Variants in ACSM6 observed in about 807,000 individuals in gnomAD.
ACSM6 encodes the protein acyl-CoA synthetase medium chain family member 6.
A neutral mutation model predicts 51.1 loss-of-function variants in ACSM6; 35 were observed. The ratio of observed to expected loss-of-function variants is 0.69; its 90% CI spans 0.52 to 0.91. The LOEUF is 0.91. Among genes scored for constraint, ACSM6 ranks in the 40% least tolerant of loss-of-function variants. The pLI is 0.00. For missense variants in ACSM6, 509 were observed against 584.1 expected, an observed-to-expected ratio of 0.87 and a Z score of 1.32; for synonymous variants, 172 against 207.3, an observed-to-expected ratio of 0.83 and a Z score of 1.46.
chr10:95,208,514 A>T (rs996090196), intron 4 of ACSM6, among the ~76,000 whole-genome samples: 1 of 152,154 alleles, frequency 6.6e-6, no homozygotes, highest in African/African-American at 2.4e-5. Context: ...ATGGGGAAAT[A>T]CTTATTAAAA....
chr10:95,226,285 G>A (rs549964549), intron 10 of ACSM6: 3 of 152,250 alleles, frequency 2.0e-5, no homozygotes, highest in East Asian at 3.9e-4. Context: ...AAAATAAAGA[G>A]TGGCTGGGCA....
intron 8 of ACSM6, among the ~76,000 whole-genome samples, 168 bp from the exon 9 acceptor site, chr10:95,219,723 G>A (rs1368477342): frequency 6.6e-6 from 1 of 151,880 alleles, no homozygotes; most frequent in Non-Finnish European, 1.5e-5. Context: ...TTGACCTAGA[G>A]GTTAATTTAG....
chr10:95,219,325 C>T (rs2034972163), intron 8 of ACSM6, among the ~76,000 whole-genome samples: 1 of 152,176 alleles, frequency 6.6e-6, no homozygotes, highest in Non-Finnish European at 1.5e-5. Flanking sequence ...TACTCCTCTA[C>T]AATCCCAAAA....
chr10:95,226,953 A>C (rs1361061295), intron 10 of ACSM6, among the ~76,000 whole-genome samples: 1 of 148,700 alleles, frequency 6.7e-6, no homozygotes, highest in East Asian at 2.0e-4. Flanking sequence ...TTTTTTACTT[A>C]TGATTTTCAG....
intron 8 of ACSM6, among the ~76,000 whole-genome samples, chr10:95,219,180 A>G (rs2034970918): frequency 6.6e-6 from 1 of 152,206 alleles, no homozygotes; most frequent in Non-Finnish European, 1.5e-5. Context: ...AGTATTTCTC[A>G]GCAGCCAACA....
At chr10:95,225,895 T>G (rs1013574829) in intron 10 of ACSM6, 1 of 152,264 alleles carries the variant, frequency 6.6e-6, no homozygotes, top group Non-Finnish European at 1.5e-5. Context: ...ACCACCATGT[T>G]TTTCGTGACG....
At chr10:95,222,888 TTGAAGGTGA>T (rs1161225363) in intron 9 of ACSM6, among the ~76,000 whole-genome samples, 2 of 142,722 alleles carry the variant, frequency 1.4e-5, no homozygotes, top group Non-Finnish European at 2.9e-5. Context: ...GAGGAAACTT[TTGAAGGTGA>T]TGAATAGGTT....
chr10:95,225,389 A>G (rs959174308), exon 10 of ACSM6: 13 of 1,527,978 alleles, frequency 8.5e-6, no homozygotes, highest in African/African-American at 4.2e-5. Flanking sequence ...CTGTCCACAC[A>G]TGGTAAGAAA....
At chr10:95,219,936 T>C (rs1434236159) in exon 9 of ACSM6, 1 of 1,613,810 alleles carries the variant, frequency 6.2e-7, no homozygotes, top group Admixed American at 1.7e-5. Flanking sequence ...GAAGCCAAGC[T>C]CTCTGGGGAA....
intron 2 of ACSM6, chr10:95,201,427 G>A (rs602941): frequency 0.51 from 232,007 of 451,366 alleles, 62,720 homozygotes; most frequent in Middle Eastern, 0.65. Flanking sequence ...CTGTTTCTGA[G>A]TTATTTCCCA....
chr10:95,223,189 C>T (rs1388120106), intron 9 of ACSM6, among the ~76,000 whole-genome samples: 1 of 149,540 alleles, frequency 6.7e-6, no homozygotes, highest in African/African-American at 2.5e-5. Flanking sequence ...CACACACACA[C>T]ACTTCCCACA....
At chr10:95,219,149 G>T (rs1377733260) in intron 8 of ACSM6, among the ~76,000 whole-genome samples, 1 of 151,984 alleles carries the variant, frequency 6.6e-6, no homozygotes, top group African/African-American at 2.4e-5. Flanking sequence ...CCCTCTTTGG[G>T]GTGCCCTGCA....
At chr10:95,200,535 GAAGAAGATGA>G (rs2034783223) in intron 2 of ACSM6, among the ~76,000 whole-genome samples, 2 of 150,776 alleles carry the variant, frequency 1.3e-5, no homozygotes, top group Admixed American at 6.7e-5. Context: ...ATAGGAAGAA[GAAGAAGATGA>G]AAAGAAGAAG....
chr10:95,202,154 C>G, exon 3 of ACSM6: 1 of 1,552,306 alleles, frequency 6.4e-7, no homozygotes. Flanking sequence ...TTGCCCCCAA[C>G]ACCTGAAGCC....
chr10:95,207,030 C>T (rs1328476977), intron 3 of ACSM6, among the ~76,000 whole-genome samples, 178 bp from the exon 4 acceptor site: 1 of 152,162 alleles, frequency 6.6e-6, no homozygotes, highest in Admixed American at 6.5e-5. Context: ...TCAGTGGGCT[C>T]AGTCTCCTGC....
Position 95,219,981 on chromosome 10 carries a change from C to T in ACSM6, c.1200+10C>T, listed in dbSNP as rs1276026293. The T allele has an allele frequency of 6.3e-7, 1 of 1,587,250 alleles. No homozygotes were observed. Among genetic ancestry groups the T allele is most frequent in the African/African-American group, 1.3e-5 (1 of 74,256 alleles). On this transcript the variant is annotated intron_variant, in intron 9 of 10. Transcript: ENST00000341686. ...ACCTTATATTGTCCAGGTAGGAGATCATAGTAATGATTATGACAGATATTA... is the reference window on the plus strand; with the variant it reads ...ACCTTATATTGTCCAGGTAGGAGATTATAGTAATGATTATGACAGATATTA...
chr10:95,220,371 C>T (rs146577934), intron 9 of ACSM6, among the ~76,000 whole-genome samples: 6 of 152,242 alleles, frequency 3.9e-5, no homozygotes, highest in South Asian at 2.1e-4. Context: ...GTCAGCTGCT[C>T]GGGTGTCGAT....
intron 10 of ACSM6, 76 bp downstream of exon 10, chr10:95,225,467 A>G: frequency 9.5e-7 from 1 of 1,047,980 alleles, no homozygotes; most frequent in Non-Finnish European, 1.3e-6. Context: ...TGAGTACTTT[A>G]TGATTTGCCA....
At chr10:95,198,458 C>T (rs2034757563) in intron 2 of ACSM6, among the ~76,000 whole-genome samples, 1 of 152,142 alleles carries the variant, frequency 6.6e-6, no homozygotes, top group South Asian at 2.1e-4. Flanking sequence ...CAAGACCAGC[C>T]TGGGCAACAT....
Sources: allele counts gnomAD v4.1 joint callset (sites outside exome capture counted in the v4.1 genomes callset), GRCh38; gene constraint gnomAD v4.1.1; transcripts MANE v1.5; gene names NCBI Gene and HGNC (gene_info 2026-07-23, HGNC 2026-07-21).